EPSTI1: variants seen among roughly 807,000 people sequenced by gnomAD.
EPSTI1 encodes the protein epithelial-stromal interaction protein 1.
Under a neutral mutation model 49.9 loss-of-function variants are expected in EPSTI1, and 66 were observed. That is an observed-to-expected ratio of 1.32 (90% confidence interval 1.08 to 1.62). The LOEUF (loss-of-function observed/expected upper bound fraction) is 1.62, where lower values mean the gene tolerates loss of function less well. Ranked by LOEUF, EPSTI1 falls within the 40% of genes most tolerant of loss-of-function variation. The pLI, the probability that EPSTI1 is intolerant of heterozygous loss-of-function variation, is 0.00. For synonymous variants in EPSTI1, 137 were observed against 130.7 expected (o/e 1.05, Z -0.33); for missense variants, 394 against 365.5 (o/e 1.08, Z -0.64).
At chr13:42,907,664 T>A (rs1167088374) in intron 8 of EPSTI1, among the ~76,000 whole-genome samples, 10 of 152,232 alleles carry the variant, frequency 6.6e-5, no homozygotes, top group Admixed American at 6.5e-4. Flanking sequence ...TTATTCATAT[T>A]TTTCTAAAGT....
At chr13:42,972,787 CAAG>C (rs1299967561) in intron 1 of EPSTI1, among the ~76,000 whole-genome samples, 1 of 151,910 alleles carries the variant, frequency 6.6e-6, no homozygotes, top group African/African-American at 2.4e-5. Context: ...AGGAACAAGT[CAAG>C]AAACCACAAA....
At chr13:42,975,217 A>G (rs529992475) in intron 1 of EPSTI1, among the ~76,000 whole-genome samples, 1 of 152,250 alleles carries the variant, frequency 6.6e-6, no homozygotes, top group South Asian at 2.1e-4. Flanking sequence ...TTAGGTTTCC[A>G]AAAGTTTGTT....
At chr13:42,950,358 G>C (rs2039057597) in intron 6 of EPSTI1, among the ~76,000 whole-genome samples, 1 of 152,214 alleles carries the variant, frequency 6.6e-6, no homozygotes, top group Non-Finnish European at 1.5e-5. Flanking sequence ...TTTTCAGCCA[G>C]CTTGCACGGG....
At chr13:42,970,447 T>C in intron 2 of EPSTI1, 165 bp downstream of exon 2, 1 of 512,202 alleles carries the variant, frequency 2.0e-6, no homozygotes, top group Non-Finnish European at 3.4e-6. Flanking sequence ...GAAGTGTTAA[T>C]AGTAGAATAT....
chr13:42,947,003 T>C (rs1196946698), intron 6 of EPSTI1, among the ~76,000 whole-genome samples: 3 of 152,214 alleles, frequency 2.0e-5, no homozygotes, highest in Non-Finnish European at 4.4e-5. Context: ...TGGGGACCAC[T>C]GCTTTATATA....
rs983847712 is a variant in EPSTI1, at chr13:42,901,839, A to G, written c.742-1456T>C. ...GTGCAGGTTAGTTACATATGTATAC[A>G]TGTGCCATGCTGGTGCGCTGCACCC... On this transcript the variant is annotated intron_variant, in intron 8 of 10. Transcript: ENST00000313624. 4.6e-5 allele frequency among the ~76,000 whole-genome samples: 7 copies of G among 152,168 alleles called. No homozygotes were observed. In the East Asian group the frequency reaches 1.4e-3, roughly 29 times the overall value.
chr13:42,937,150 T>C (rs902438992), intron 6 of EPSTI1, among the ~76,000 whole-genome samples: 1 of 152,228 alleles, frequency 6.6e-6, no homozygotes, highest in Non-Finnish European at 1.5e-5. Flanking sequence ...CACTAGATTG[T>C]AGTCTCTTAG....
chr13:42,920,780 G>T (rs1182523934), intron 7 of EPSTI1, among the ~76,000 whole-genome samples: 3 of 152,216 alleles, frequency 2.0e-5, no homozygotes, highest in Non-Finnish European at 2.9e-5. Flanking sequence ...ATACTGACCA[G>T]TGAGCCTCTG....
chr13:42,915,640 T>C (rs2037809872), intron 8 of EPSTI1, among the ~76,000 whole-genome samples: 1 of 152,174 alleles, frequency 6.6e-6, no homozygotes, highest in Non-Finnish European at 1.5e-5. Flanking sequence ...CCTTGTGTAG[T>C]CTACTGTTAC....
intron 8 of EPSTI1, among the ~76,000 whole-genome samples, chr13:42,904,077 TG>T (rs2037433443): frequency 6.6e-6 from 1 of 152,218 alleles, no homozygotes; most frequent in African/African-American, 2.4e-5. Context: ...ATGAGATCTT[TG>T]CTCCTTTAGA....
At chr13:42,900,050 CAT>C (rs765963238) in intron 9 of EPSTI1, among the ~76,000 whole-genome samples, 23 of 152,252 alleles carry the variant, frequency 1.5e-4, no homozygotes, top group Non-Finnish European at 2.5e-4. Context: ...CACACAAGAA[CAT>C]GAGTCAGTTT....
intron 8 of EPSTI1, among the ~76,000 whole-genome samples, chr13:42,902,066 T>C (rs1016911210): frequency 6.6e-6 from 1 of 152,104 alleles, no homozygotes; most frequent in Non-Finnish European, 1.5e-5. Context: ...TGATTTCCAA[T>C]TTCATCCATG....
rs1047573404 is a variant in EPSTI1, at chr13:42,902,533, A to T, written c.742-2150T>A. The stretch of plus-strand genomic sequence containing the variant: ...TGCTCTTGTTGGCTTATGGCTTTTT[A>T]AAAAAATTCCTGTATTTTTAGTGGT... On this transcript the variant is annotated intron_variant, in intron 8 of 10. Transcript: ENST00000313624. Among the ~76,000 whole-genome samples, 5 of 152,138 alleles carry T rather than the reference A, an allele frequency of 3.3e-5. No individual in the cohort carries two copies. In the South Asian group the frequency reaches 6.2e-4, roughly 19 times the overall value.
At chr13:42,968,931 C>T (rs1311008360) in intron 3 of EPSTI1, among the ~76,000 whole-genome samples, 163 bp downstream of exon 3, 7 of 127,368 alleles carry the variant, frequency 5.5e-5, no homozygotes, top group African/African-American at 9.2e-5. Flanking sequence ...TACACACACA[C>T]ACACACACAC....
intron 6 of EPSTI1, among the ~76,000 whole-genome samples, chr13:42,932,514 G>A (rs1393917860): frequency 6.6e-6 from 1 of 151,702 alleles, no homozygotes; most frequent in Non-Finnish European, 1.5e-5. Context: ...CCTTTCCAAG[G>A]GGGCAAAAGT....
rs370492896 is a variant in EPSTI1, at chr13:42,968,871, C to A, written c.331+223G>T. Among the ~76,000 whole-genome samples, 11 of 146,852 alleles carry A rather than the reference C, an allele frequency of 7.5e-5. No homozygotes were observed. In the East Asian group the frequency reaches 2.3e-3, roughly 30 times the overall value. On this transcript the variant is annotated intron_variant, in intron 3 of 10. Coordinates refer to ENST00000313624, the MANE Select transcript of EPSTI1 (RefSeq NM_033255.5). ...AAGCCATCACTGTGTTCCCATAGAACTCTGGCATTACAGGTTTGCTACTTG... is the reference window on the plus strand; with the variant it reads ...AAGCCATCACTGTGTTCCCATAGAAATCTGGCATTACAGGTTTGCTACTTG...
rs1594591756 is a variant in EPSTI1 at position 42,888,373 on chromosome 13, T to C, written c.*121A>G. ...AGTCACTCCTGACTGCACGGTCAAG[T>C]GTGTGGGCAGTTGAAATTAAGGTAA... On this transcript the variant is annotated 3_prime_UTR_variant, in exon 11 of 11. Coordinates refer to ENST00000313624, the MANE Select transcript of EPSTI1 (RefSeq NM_033255.5). 3 of 1,614,048 alleles carry C rather than the reference T, an allele frequency of 1.9e-6. No homozygotes were observed. Among genetic ancestry groups the C allele is most frequent in the Non-Finnish European group, 2.5e-6 (3 of 1,180,008 alleles).
chr13:42,899,081 C>A (rs753210284), intron 9 of EPSTI1, among the ~76,000 whole-genome samples: 13 of 151,688 alleles, frequency 8.6e-5, no homozygotes, highest in Non-Finnish European at 1.6e-4. Flanking sequence ...GCCTGTAATC[C>A]CAACTACTCA....
chr13:42,917,033 C>T (rs2037848778), intron 8 of EPSTI1, among the ~76,000 whole-genome samples: 1 of 152,184 alleles, frequency 6.6e-6, no homozygotes, highest in African/African-American at 2.4e-5. Flanking sequence ...TCACTGATTT[C>T]CATTGCTCAA....
Sources: allele counts gnomAD v4.1 joint callset (sites outside exome capture counted in the v4.1 genomes callset), GRCh38; gene constraint gnomAD v4.1.1; transcripts MANE v1.5; gene names NCBI Gene and HGNC (gene_info 2026-07-23, HGNC 2026-07-21).